MECOM: variants seen among roughly 807,000 people sequenced by gnomAD.
MECOM encodes the protein MDS1 and EVI1 complex locus, also known as histone-lysine N-methyltransferase MECOM.
Under a neutral mutation model 116.3 loss-of-function variants are expected in MECOM, and 13 were observed. The observed-to-expected ratio is 0.11, with a 90% CI of 0.07 to 0.18. The LOEUF (loss-of-function observed/expected upper bound fraction) is 0.18. Among genes scored for constraint, MECOM ranks in the 10% least tolerant of loss-of-function variants. The probability of loss-of-function intolerance (pLI) is 1.00; values close to 1 mark genes in which losing one functional copy is unlikely to be tolerated. For missense variants in MECOM, 1,299 were observed against 1,509.0 expected, an observed-to-expected ratio of 0.86 and a Z score of 2.31; for synonymous variants, 528 against 535.2, an observed-to-expected ratio of 0.99 and a Z score of 0.19.
chr3:169,659,440 ATTTTTTTTTTTTTTT>A lies in MECOM; in HGVS notation c.37+3881_37+3895del, dbSNP rs56270349. Among the ~76,000 whole-genome samples the A allele has an allele frequency of 8.4e-3, 521 of 62,192 alleles. 14 individuals are homozygous for A. The South Asian group carries it at 0.11, about 13-fold the overall frequency. 40.8% of individuals were successfully genotyped at this position (62,192 alleles called of 152,430 possible). A position where few individuals can be genotyped will look rare whatever the true frequency, so the allele number is the denominator to read the frequency against. On this transcript the variant is annotated intron_variant, in intron 1 of 16. Coordinates refer to ENST00000651503, the MANE Select transcript of MECOM (RefSeq NM_004991.4). ...GTAATTAACCTTCCCCTAAACACAG[ATTTTTTTTTTTTTTT>A]TTTTTTTTTTTTTTTTTTGCAAAAC... is the stretch of plus-strand genomic sequence containing the variant.
Position 169,469,254 on chromosome 3 carries a change from A to G in MECOM, c.38-87730T>C, listed in dbSNP as rs77100462. Among the ~76,000 whole-genome samples the G allele has an allele frequency of 4.2e-3, 640 of 152,312 alleles. 4 individuals carry two copies. The highest frequency in any genetic ancestry group is 0.015 in the African/African-American group (615 of 41,568). On this transcript the variant is annotated intron_variant, in intron 1 of 16. Transcript: ENST00000651503. ...GTGGTGAGAGTGCTCCTAGCAGAACAAGCAGTATAAGAAAGATACAAATGT... is the reference window on the plus strand; with the variant it reads ...GTGGTGAGAGTGCTCCTAGCAGAACGAGCAGTATAAGAAAGATACAAATGT...
intron 2 of MECOM, among the ~76,000 whole-genome samples, chr3:169,306,173 G>T (rs1465467809): frequency 6.6e-6 from 1 of 151,982 alleles, no homozygotes; most frequent in Non-Finnish European, 1.5e-5. Flanking sequence ...AAAAATTCAT[G>T]ATTATCTTCC....
chr3:169,133,106 C>T (rs1735287428), intron 3 of MECOM, among the ~76,000 whole-genome samples: 2 of 134,502 alleles, frequency 1.5e-5, no homozygotes, highest in Admixed American at 1.4e-4. Context: ...CTGAGCAAAA[C>T]ACATACACAC....
chr3:169,385,052 C>T (rs558713672), intron 1 of MECOM, among the ~76,000 whole-genome samples: 2 of 144,274 alleles, frequency 1.4e-5, no homozygotes, highest in East Asian at 2.0e-4. Context: ...TGCAGTGAGC[C>T]GAGATCACAC....
At chr3:169,180,871 A>C in intron 2 of MECOM, among the ~76,000 whole-genome samples, 1 of 148,462 alleles carries the variant, frequency 6.7e-6, no homozygotes, top group East Asian at 2.0e-4. Context: ...TTAATTCAAT[A>C]AATATATATT....
intron 2 of MECOM, among the ~76,000 whole-genome samples, chr3:169,339,307 G>A (rs1335050284): frequency 1.3e-5 from 2 of 152,184 alleles, no homozygotes; most frequent in South Asian, 2.1e-4. Context: ...GCAAATTCTT[G>A]GGCTCACCCC....
Position 169,472,642 on chromosome 3 carries a change from GGAAAGGAAAAGAAAAGAA to G in MECOM, c.38-91136_38-91119del, listed in dbSNP as rs1560318961. ...GAAAAGAAAAGAAAAGAAAAGGAAA[GGAAAGGAAAAGAAAAGAA>G]AGGAAAGGAAAGGAGAGGAGAGGAA... is the stretch of plus-strand genomic sequence containing the variant. On this transcript the variant is annotated intron_variant, in intron 1 of 16. Coordinates refer to ENST00000651503, the MANE Select transcript of MECOM (RefSeq NM_004991.4). Among the ~76,000 whole-genome samples the G allele has an allele frequency of 9.9e-4, 77 of 77,990 alleles. 1 individual carries two copies. Among genetic ancestry groups the G allele is most frequent in the African/African-American group, 5.4e-3 (72 of 13,362 alleles). The allele number at this position is 77,990 out of a possible 152,430, so 51.2% of individuals were successfully genotyped here. A position where few individuals can be genotyped will look rare whatever the true frequency, so the allele number is the denominator to read the frequency against.
intron 2 of MECOM, among the ~76,000 whole-genome samples, chr3:169,202,337 C>T (rs1273904711): frequency 6.6e-6 from 1 of 151,886 alleles, no homozygotes; most frequent in East Asian, 1.9e-4. Context: ...ATAACTATGC[C>T]AAGTAATTGA....
At position 169,314,112 on chromosome 3, in the gene MECOM, C is replaced by A. The variant is rs180839771; in HGVS notation, c.375+67075G>T. On this transcript the variant is annotated intron_variant, in intron 2 of 16. Transcript: ENST00000651503. The stretch of plus-strand genomic sequence containing the variant: ...CACAATTAGCTACACTTTGCTAGAA[C>A]ATCCAGAGCTTCCTCCTTCCTTGTC... 2.0e-5 allele frequency among the ~76,000 whole-genome samples: 3 copies of A among 152,344 alleles called. No individual in the cohort carries two copies. The East Asian group carries it at 5.8e-4, about 29-fold the overall frequency.
At chr3:169,295,636 A>G (rs561327733) in intron 2 of MECOM, among the ~76,000 whole-genome samples, 2 of 152,314 alleles carry the variant, frequency 1.3e-5, no homozygotes, top group South Asian at 2.1e-4. Flanking sequence ...AATTCTTTTT[A>G]TGTTTGAACA....
At chr3:169,566,203 G>A (rs552562733) in intron 1 of MECOM, among the ~76,000 whole-genome samples, 2 of 152,256 alleles carry the variant, frequency 1.3e-5, no homozygotes, top group Admixed American at 6.5e-5. Flanking sequence ...TCGACAAGTA[G>A]GGATTACAAT....
At chr3:169,348,660 C>A (rs1220229851) in intron 2 of MECOM, among the ~76,000 whole-genome samples, 5 of 151,904 alleles carry the variant, frequency 3.3e-5, no homozygotes, top group Non-Finnish European at 7.4e-5. Context: ...GACTTCCTTG[C>A]CAGACAGCTA....
intron 1 of MECOM, among the ~76,000 whole-genome samples, chr3:169,542,192 C>A (rs147571831): frequency 6.6e-6 from 1 of 152,090 alleles, no homozygotes; most frequent in African/African-American, 2.4e-5. Context: ...TAAATATACT[C>A]TTTTTTAAAA....
At chr3:169,394,878 A>C (rs776612587) in intron 1 of MECOM, among the ~76,000 whole-genome samples, 32 of 152,322 alleles carry the variant, frequency 2.1e-4, no homozygotes, top group Non-Finnish European at 4.6e-4. Flanking sequence ...CATTTCAAAG[A>C]GTAGGGCATA....
At chr3:169,148,995 G>A (rs905065205) in intron 2 of MECOM, among the ~76,000 whole-genome samples, 2 of 151,804 alleles carry the variant, frequency 1.3e-5, no homozygotes, top group African/African-American at 4.8e-5. Flanking sequence ...CGTAGAGTTG[G>A]GCGCTTGAGA....
chr3:169,581,816 T>C (rs947512935), intron 1 of MECOM, among the ~76,000 whole-genome samples: 2 of 152,228 alleles, frequency 1.3e-5, no homozygotes, highest in African/African-American at 4.8e-5. Context: ...TCCATGCCTG[T>C]CCTGGTGTGC....
chr3:169,444,825 T>C (rs1218305042), intron 1 of MECOM, among the ~76,000 whole-genome samples: 1 of 152,144 alleles, frequency 6.6e-6, no homozygotes, highest in Non-Finnish European at 1.5e-5. Flanking sequence ...GATAGTGATA[T>C]GAACAGTAAG....
chr3:169,548,542 G>A (rs1042394956), intron 1 of MECOM, among the ~76,000 whole-genome samples: 4 of 152,212 alleles, frequency 2.6e-5, no homozygotes, highest in African/African-American at 7.2e-5. Flanking sequence ...CTCTTTTACA[G>A]AAGGGAATAA....
chr3:169,451,643 T>A (rs1445355413), intron 1 of MECOM, among the ~76,000 whole-genome samples: 1 of 152,196 alleles, frequency 6.6e-6, no homozygotes, highest in South Asian at 2.1e-4. Flanking sequence ...CAATGAGCAA[T>A]GTTATAAATT....
Sources: gnomAD v4.1 joint callset for allele counts (sites outside exome capture counted in the v4.1 genomes callset) on GRCh38, gnomAD v4.1.1 for gene constraint, MANE v1.5 for transcripts, NCBI Gene and HGNC (gene_info 2026-07-23, HGNC 2026-07-21) for gene names.